The following PUM2 variants were observed in gnomAD, a reference collection of about 807,000 sequenced individuals.
PUM2 encodes pumilio homolog 2.
Under a neutral mutation model 124.5 loss-of-function variants are expected in PUM2, and 57 were observed. That is an observed-to-expected ratio of 0.46 (90% CI 0.37 to 0.57). The LOEUF (loss-of-function observed/expected upper bound fraction) is 0.57. PUM2 is among the 20% of genes least tolerant of loss of function. PUM2 has a pLI of 0.00. For missense variants in PUM2, 1,065 were observed against 1,290.6 expected, an observed-to-expected ratio of 0.83 and a Z score of 2.68; for synonymous variants, 460 against 446.1, an observed-to-expected ratio of 1.03 and a Z score of -0.39.
chr2:20,329,174 C>CAA (rs769818181), intron 1 of PUM2, among the ~76,000 whole-genome samples: 1,528 of 63,066 alleles, frequency 0.024, 48 homozygotes, highest in African/African-American at 0.071. Flanking sequence ...ACCCTGTCTC[C>CAA]AAAAAAAAAA....
intron 1 of PUM2, among the ~76,000 whole-genome samples, chr2:20,327,965 C>CT (rs773909881): frequency 1.1e-4 from 16 of 152,130 alleles, no homozygotes; most frequent in Admixed American, 3.3e-4. Flanking sequence ...TCAATTAAGG[C>CT]TAAAAGAATT....
Position 20,263,369 on chromosome 2 carries a change from A to G in PUM2, c.2049T>C (p.Phe683=). ...YRSASSTSSL[F]SSSSQLFPPS... ...GAGGAAAGAGCTGGCTGCTGGAGCT[A>G]AATAGACTGGAAGTGCTTGAAGCAC... Residue 683 remains phenylalanine (F), a synonymous_variant, in exon 14 of 21, where the codon TTT becomes TTC. Coordinates refer to ENST00000361078, the MANE Select transcript of PUM2 (RefSeq NM_015317.5). The G allele has an allele frequency of 6.2e-7, 1 of 1,614,206 alleles. No individual in the cohort carries two copies. Among genetic ancestry groups the G allele is most frequent in the South Asian group, 1.1e-5 (1 of 91,086 alleles).
At position 20,308,564 on chromosome 2, in the gene PUM2, T is replaced by G; in HGVS notation, c.539A>C (p.Gln180Pro). The G allele has an allele frequency of 6.2e-7, 1 of 1,613,234 alleles. No homozygotes were observed. Among genetic ancestry groups the G allele is most frequent in the Non-Finnish European group, 8.5e-7 (1 of 1,179,550 alleles). Residue 180 changes from glutamine to proline, a missense_variant, in exon 6 of 21, where the codon CAA becomes CCA. Coordinates refer to ENST00000361078, the MANE Select transcript of PUM2 (RefSeq NM_015317.5). Reference sequence around the variant, plus strand: ...CTCAACTACTTCAGTTGGAGAGGCTTGACGACTTCCAGGAGTACGACTACA... The same window carrying G: ...CTCAACTACTTCAGTTGGAGAGGCTGGACGACTTCCAGGAGTACGACTACA... ...KDFNRTPGSR[Q>P]ASPTEVVERL...
At chr2:20,256,197 T>C in intron 16 of PUM2, 27 bp from the exon 17 acceptor site, 1 of 1,561,230 alleles carries the variant, frequency 6.4e-7, no homozygotes, top group Non-Finnish European at 8.6e-7. Flanking sequence ...GTCATTTAAA[T>C]TATTACCTCA....
chr2:20,297,794 G>A (rs995905056), intron 7 of PUM2, 116 bp from the exon 8 acceptor site: 2 of 1,053,526 alleles, frequency 1.9e-6, no homozygotes, highest in South Asian at 1.8e-5. Flanking sequence ...AGCAGAGTGT[G>A]CATAATGGTT....
intron 7 of PUM2, among the ~76,000 whole-genome samples, chr2:20,300,648 A>G (rs1676747912): frequency 1.3e-5 from 2 of 152,230 alleles, no homozygotes; most frequent in South Asian, 4.1e-4. Flanking sequence ...AGGTTACAAG[A>G]TTCCACTCAG....
chr2:20,257,900 TTTC>T (rs781242175), intron 16 of PUM2, among the ~76,000 whole-genome samples: 18 of 152,312 alleles, frequency 1.2e-4, no homozygotes, highest in Non-Finnish European at 1.9e-4. Flanking sequence ...TTCCAAAAAT[TTTC>T]TTCTTATAAT....
chr2:20,254,078 C>G, intron 19 of PUM2, 64 bp from the exon 20 acceptor site: 7 of 1,402,724 alleles, frequency 5.0e-6, no homozygotes, highest in African/African-American at 1.4e-5. Flanking sequence ...ATTTCCTTGA[C>G]TTATAGAAAG....
At chr2:20,308,759 C>A (rs1311159056) in intron 5 of PUM2, among the ~76,000 whole-genome samples, 175 bp from the exon 6 acceptor site, 1 of 152,084 alleles carries the variant, frequency 6.6e-6, no homozygotes, top group Non-Finnish European at 1.5e-5. Flanking sequence ...TTCCTCTTAA[C>A]AGCTGGCATG....
intron 14 of PUM2, among the ~76,000 whole-genome samples, chr2:20,262,253 G>A (rs1188350740): frequency 6.6e-6 from 1 of 152,126 alleles, no homozygotes; most frequent in Non-Finnish European, 1.5e-5. Flanking sequence ...TCACTCACCC[G>A]GAGCAACTTC....
At position 20,303,428 on chromosome 2, in the gene PUM2, C is replaced by T. The variant is rs1029312260; in HGVS notation, c.883+4550G>A. On this transcript the variant is annotated intron_variant, in intron 7 of 20. Coordinates refer to ENST00000361078, the MANE Select transcript of PUM2 (RefSeq NM_015317.5). Reference sequence around the variant, plus strand: ...TTCTGAGACAAACATCAAAATCAAGCTTTCAAGTTTTTTTTTTTTTTTTTC... The same window carrying T: ...TTCTGAGACAAACATCAAAATCAAGTTTTCAAGTTTTTTTTTTTTTTTTTC... Among the ~76,000 whole-genome samples, 8 of 139,946 alleles carry T rather than the reference C, an allele frequency of 5.7e-5. No homozygotes were observed. In the South Asian group the frequency reaches 1.9e-3, roughly 32 times the overall value. The allele number at this position is 139,946 out of a possible 152,430, so 91.8% of individuals were successfully genotyped here.
chr2:20,292,805 C>T (rs1295480879), intron 9 of PUM2, among the ~76,000 whole-genome samples: 1 of 152,058 alleles, frequency 6.6e-6, no homozygotes, highest in Non-Finnish European at 1.5e-5. Flanking sequence ...ATGGCACGTG[C>T]CTGTCATCCC....
intron 14 of PUM2, 109 bp downstream of exon 14, chr2:20,263,084 C>T (rs999031670): frequency 7.4e-5 from 80 of 1,087,676 alleles, no homozygotes; most frequent in Non-Finnish European, 1.0e-4. Context: ...AATTTTAGCT[C>T]TTAAAAGCTT....
At chr2:20,261,264 G>A (rs1039803580) in intron 14 of PUM2, among the ~76,000 whole-genome samples, 25 of 151,410 alleles carry the variant, frequency 1.7e-4, no homozygotes, top group African/African-American at 4.6e-4. Context: ...GGTGGCAGAC[G>A]CCTGTAAGCC....
chr2:20,313,994 T>C (rs1680287951), intron 3 of PUM2, among the ~76,000 whole-genome samples: 1 of 151,564 alleles, frequency 6.6e-6, no homozygotes, highest in African/African-American at 2.4e-5. Flanking sequence ...AATACAAAAA[T>C]TAGCTGGACA....
chr2:20,268,385 G>T (rs1220094420), intron 13 of PUM2, among the ~76,000 whole-genome samples: 2 of 152,186 alleles, frequency 1.3e-5, no homozygotes, highest in Non-Finnish European at 1.5e-5. Flanking sequence ...GCTGAGGTGG[G>T]CGGATCACTT....
At chr2:20,285,869 T>C (rs922158785) in intron 10 of PUM2, among the ~76,000 whole-genome samples, 1 of 152,108 alleles carries the variant, frequency 6.6e-6, no homozygotes, top group African/African-American at 2.4e-5. Flanking sequence ...GACAACAGTG[T>C]TAATAATTCA....
chr2:20,261,394 C>CAAAAAAAAAAAAAAAAAAAAAAAAAAAAA (rs200294801), intron 14 of PUM2, among the ~76,000 whole-genome samples: 2 of 76,786 alleles, frequency 2.6e-5, no homozygotes, highest in Non-Finnish European at 5.4e-5. Flanking sequence ...ACTCTGTCTC[C>CAAAAAAAAAAAAAAAAAAAAAAAAAAAAA]AAAAAAAAAA....
chr2:20,294,763 T>C (rs1675111763), intron 8 of PUM2, among the ~76,000 whole-genome samples: 1 of 152,218 alleles, frequency 6.6e-6, no homozygotes, highest in African/African-American at 2.4e-5. Context: ...TAACCATCTA[T>C]TCAACATTTA....
Sources: gnomAD v4.1 joint callset for allele counts (sites outside exome capture counted in the v4.1 genomes callset) on GRCh38, gnomAD v4.1.1 for gene constraint, MANE v1.5 for transcripts, NCBI Gene and HGNC (gene_info 2026-07-23, HGNC 2026-07-21) for gene names.